PPARGC1A: variants seen among roughly 807,000 people sequenced by gnomAD.
The protein encoded by PPARGC1A is peroxisome proliferator-activated receptor gamma coactivator 1-alpha.
A neutral mutation model predicts 88.7 loss-of-function variants in PPARGC1A; 25 were observed. The ratio of observed to expected loss-of-function variants is 0.28; its 90% CI spans 0.21 to 0.39. PPARGC1A has a LOEUF of 0.39. PPARGC1A is among the 10% of genes least tolerant of loss of function. The probability of loss-of-function intolerance (pLI) is 1.00; values close to 1 mark genes in which losing one functional copy is unlikely to be tolerated. For missense variants in PPARGC1A, 880 were observed against 968.7 expected, an observed-to-expected ratio of 0.91 and a Z score of 1.22; for synonymous variants, 363 against 355.6, an observed-to-expected ratio of 1.02 and a Z score of -0.24.
chr4:24,343,952 C>T, the PPARGC1A span, among the ~76,000 whole-genome samples: 1 of 151,554 alleles, frequency 6.6e-6, no homozygotes. Context: ...CCTTTGCGTC[C>T]TCATAGCTTA....
At chr4:24,389,997 CGGGTTTGGAGTTTTT>C in the PPARGC1A span, among the ~76,000 whole-genome samples, 1 of 152,008 alleles carries the variant, frequency 6.6e-6, no homozygotes, top group Non-Finnish European at 1.5e-5. Context: ...GTAATTTGGA[CGGGTTTGGAGTTTTT>C]AATGGTATAG....
chr4:24,091,478 G>T, the PPARGC1A span: 1 of 985,406 alleles, frequency 1.0e-6, no homozygotes, highest in Middle Eastern at 5.2e-4. Flanking sequence ...CTGCCAGCCT[G>T]CTTCTCGCTG....
the PPARGC1A span, among the ~76,000 whole-genome samples, chr4:23,934,938 T>C: frequency 6.6e-6 from 1 of 152,170 alleles, no homozygotes; most frequent in Non-Finnish European, 1.5e-5. Context: ...TCTTGTGGAA[T>C]TGTCTCTGCA....
the PPARGC1A span, among the ~76,000 whole-genome samples, chr4:24,315,244 T>C: frequency 6.6e-6 from 1 of 152,086 alleles, no homozygotes; most frequent in African/African-American, 2.4e-5. Flanking sequence ...CTGAAGCCAC[T>C]AGTGTCAGTA....
chr4:23,931,139 G>A, the PPARGC1A span, among the ~76,000 whole-genome samples: 1 of 152,196 alleles, frequency 6.6e-6, no homozygotes, highest in Non-Finnish European at 1.5e-5. Flanking sequence ...CTGCTGTGGT[G>A]GCCGCTGCCT....
intron 2 of PPARGC1A, among the ~76,000 whole-genome samples, chr4:23,843,174 T>C (rs1727367801): frequency 1.3e-5 from 2 of 152,278 alleles, no homozygotes; most frequent in South Asian, 2.1e-4. Flanking sequence ...GAGTCTATTT[T>C]ATTACATAGT....
the PPARGC1A span, among the ~76,000 whole-genome samples, chr4:24,159,518 T>C: frequency 6.6e-6 from 1 of 152,160 alleles, no homozygotes; most frequent in Non-Finnish European, 1.5e-5. Flanking sequence ...CGAGATTAAG[T>C]AAATTTTCTA....
the PPARGC1A span, among the ~76,000 whole-genome samples, chr4:24,010,390 A>C: frequency 6.6e-6 from 1 of 152,196 alleles, no homozygotes; most frequent in Non-Finnish European, 1.5e-5. Context: ...AAATACACAG[A>C]AAGTGTTTCC....
chr4:24,303,136 A>C, the PPARGC1A span, among the ~76,000 whole-genome samples: 3 of 152,254 alleles, frequency 2.0e-5, no homozygotes, highest in South Asian at 2.1e-4. Flanking sequence ...ATGTCAGCTA[A>C]ACACGAACAG....
the PPARGC1A span, among the ~76,000 whole-genome samples, chr4:24,213,057 G>A: frequency 6.6e-6 from 1 of 152,018 alleles, no homozygotes; most frequent in Non-Finnish European, 1.5e-5. Flanking sequence ...CCCAATGGCA[G>A]TTGCCAAAGA....
At chr4:24,378,013 A>T in the PPARGC1A span, among the ~76,000 whole-genome samples, 5 of 152,198 alleles carry the variant, frequency 3.3e-5, no homozygotes, top group Admixed American at 3.3e-4. Flanking sequence ...TTACAACCTA[A>T]ACAACACATG....
At chr4:24,235,968 G>A in the PPARGC1A span, among the ~76,000 whole-genome samples, 1 of 152,094 alleles carries the variant, frequency 6.6e-6, no homozygotes, top group African/African-American at 2.4e-5. Flanking sequence ...GTGACTATAT[G>A]GATTAACAAT....
chr4:24,260,369 C>T, the PPARGC1A span, among the ~76,000 whole-genome samples: 6 of 152,204 alleles, frequency 3.9e-5, no homozygotes, highest in African/African-American at 1.4e-4. Flanking sequence ...TTTATGGCAT[C>T]TTGAGTCACA....
At chr4:24,411,003 C>G in the PPARGC1A span, among the ~76,000 whole-genome samples, 1 of 152,176 alleles carries the variant, frequency 6.6e-6, no homozygotes, top group African/African-American at 2.4e-5. Context: ...TAAACTCCCT[C>G]TCATATATAC....
the PPARGC1A span, among the ~76,000 whole-genome samples, chr4:24,079,070 T>C: frequency 6.6e-6 from 1 of 152,080 alleles, no homozygotes; most frequent in African/African-American, 2.4e-5. Flanking sequence ...AATCAAAATT[T>C]CATTATTATA....
the PPARGC1A span, among the ~76,000 whole-genome samples, chr4:24,140,021 G>T: frequency 6.6e-6 from 1 of 152,184 alleles, no homozygotes; most frequent in Non-Finnish European, 1.5e-5. Context: ...AAGTGCTGGG[G>T]TCTCTCCAGG....
At chr4:24,199,757 T>A in the PPARGC1A span, among the ~76,000 whole-genome samples, 1 of 152,212 alleles carries the variant, frequency 6.6e-6, no homozygotes, top group East Asian at 1.9e-4. Context: ...TCCCCTGCAC[T>A]GCTGGTTGAG....
chr4:24,389,170 A>G, the PPARGC1A span, among the ~76,000 whole-genome samples: 1,225 of 152,246 alleles, frequency 8.0e-3, 7 homozygotes, highest in Non-Finnish European at 0.012. Flanking sequence ...TAAAATTTTG[A>G]ATATGCTCAA....
chr4:24,230,997 G>A, the PPARGC1A span, among the ~76,000 whole-genome samples: 1 of 149,444 alleles, frequency 6.7e-6, no homozygotes, highest in Admixed American at 6.6e-5. Context: ...GGTATTGTTT[G>A]ATCAGGAATG....
Sources: allele counts gnomAD v4.1 joint callset (sites outside exome capture counted in the v4.1 genomes callset), GRCh38; gene constraint gnomAD v4.1.1; transcripts MANE v1.5; gene names NCBI Gene and HGNC (gene_info 2026-07-23, HGNC 2026-07-21).